AKAP9: variants seen among roughly 807,000 people sequenced by gnomAD.
AKAP9 encodes A-kinase anchor protein 9.
Under a neutral mutation model 488.5 loss-of-function variants are expected in AKAP9, and 311 were observed. The ratio of observed to expected loss-of-function variants is 0.64; its 90% CI spans 0.58 to 0.70. The LOEUF (loss-of-function observed/expected upper bound fraction) is 0.70, where lower values mean the gene tolerates loss of function less well. Among genes scored for constraint, AKAP9 ranks in the 30% least tolerant of loss-of-function variants. The probability of loss-of-function intolerance (pLI) is 0.00; values close to 1 mark genes in which losing one functional copy is unlikely to be tolerated. For synonymous variants in AKAP9, 1,462 were observed against 1,483.5 expected, an observed-to-expected ratio of 0.99 and a Z score of 0.33; for missense variants, 4,215 against 4,374.5, an observed-to-expected ratio of 0.96 and a Z score of 1.03.
intron 3 of AKAP9, among the ~76,000 whole-genome samples, chr7:91,987,212 G>A (rs1797210929): frequency 6.6e-6 from 1 of 152,104 alleles, no homozygotes; most frequent in Non-Finnish European, 1.5e-5. Context: ...GAGGTTAGGA[G>A]TTGGAGACCA....
intron 1 of AKAP9, among the ~76,000 whole-genome samples, chr7:91,942,008 A>C (rs1008683471): frequency 6.6e-6 from 1 of 152,126 alleles, no homozygotes; most frequent in Non-Finnish European, 1.5e-5. Context: ...ACATATACAG[A>C]ATATAAGCTG....
At chr7:91,967,489 G>A (rs1447039867) in intron 1 of AKAP9, among the ~76,000 whole-genome samples, 1 of 152,080 alleles carries the variant, frequency 6.6e-6, no homozygotes, top group African/African-American at 2.4e-5. Context: ...TCTGTATCCA[G>A]TTTGTTGAGG....
rs1352511944 is a variant in AKAP9, at chr7:92,108,543, C to A, written c.11596C>A (p.Gln3866Lys). ...CAATCCTGGTTCTTTAGCATGTTCT[C>A]AGCTTCAGAATTACGATCCTGACAG... ...DFNPGSLACS[Q>K]LQNYDPDRAL... Residue 3866 changes from glutamine (Q) to lysine (K), a missense_variant, in exon 49 of 50, where the codon CAG becomes AAG. Around this residue, in one of 5 missense-constraint regions of AKAP9, gnomAD observed 253 missense variants for 266.8 expected, o/e 0.95. Coordinates refer to ENST00000356239, the MANE Select transcript of AKAP9 (RefSeq NM_005751.5). 1 of 1,614,150 alleles carries A rather than the reference C, an allele frequency of 6.2e-7. No individual in the cohort carries two copies. Among genetic ancestry groups the A allele is most frequent in the Non-Finnish European group, 8.5e-7 (1 of 1,180,016 alleles).
chr7:92,057,921 G>A (rs1435560905), intron 22 of AKAP9: 1 of 226,436 alleles, frequency 4.4e-6, no homozygotes, highest in East Asian at 6.4e-5. Context: ...TTTGGTTTGG[G>A]TTTTTTTGAG....
At position 92,096,722 on chromosome 7, in the gene AKAP9, A is replaced by G. The variant is rs201048693; in HGVS notation, c.9763A>G (p.Arg3255Gly). 400 of 1,614,176 alleles carry G rather than the reference A, an allele frequency of 2.5e-4. 1 individual carries two copies. The East Asian group carries it at 8.7e-3, about 35-fold the overall frequency. The change falls in exon 41 of 50, where the codon AGG becomes GGG. Residue 3255 changes from arginine to glycine, a missense_variant. Arg to Gly is a moderately radical substitution (Grantham distance 125, BLOSUM62 -2). Transcript: ENST00000356239. Reference protein sequence around the residue: ...LKFSLESQKQRNLQLNLLLEQ... With the variant: ...LKFSLESQKQGNLQLNLLLEQ... Reference sequence around the variant, plus strand: ...GTTTTCACTTGAGAGTCAGAAACAAAGGAATCTTCAGCTAAATCTACTTTT... The same window carrying G: ...GTTTTCACTTGAGAGTCAGAAACAAGGGAATCTTCAGCTAAATCTACTTTT...
At chr7:91,964,628 A>G (rs1794199450) in intron 1 of AKAP9, among the ~76,000 whole-genome samples, 1 of 152,172 alleles carries the variant, frequency 6.6e-6, no homozygotes, top group African/African-American at 2.4e-5. Flanking sequence ...GAAAAACATT[A>G]GATAGTATTG....
chr7:92,007,832 A>T (rs141429733), intron 8 of AKAP9, among the ~76,000 whole-genome samples: 1 of 152,244 alleles, frequency 6.6e-6, no homozygotes, highest in African/African-American at 2.4e-5. Flanking sequence ...ACAGTCAAGA[A>T]TATTTTTGAA....
At chr7:92,030,128 A>C in intron 15 of AKAP9, 137 bp downstream of exon 15, 1 of 650,078 alleles carries the variant, frequency 1.5e-6, no homozygotes, top group East Asian at 2.8e-5. Flanking sequence ...CTTATATAGA[A>C]AACTCAGAAT....
chr7:92,083,323 A>G lies in AKAP9; in HGVS notation c.8314A>G (p.Ile2772Val), dbSNP rs759694779. ...GGCCTGCATGTTTGAGCCACTTCCT[A>G]TAAAACTGAGTAAGAGCATTGCATC... ...KKACMFEPLP[I>V]KLSKSIASQT... Residue 2772 changes from isoleucine (I) to valine (V), a missense_variant, in exon 33 of 50, where the codon ATA (isoleucine) becomes GTA (valine). Physicochemically the swap from Ile to Val is conservative, Grantham distance 29 (BLOSUM62 3). Transcript: ENST00000356239. 1.2e-5 allele frequency: 19 copies of G among 1,614,142 alleles called. No individual in the cohort carries two copies. Among genetic ancestry groups the G allele is most frequent in the South Asian group, 1.1e-4 (10 of 91,090 alleles).
chr7:92,036,230 C>T (rs1446738639), intron 16 of AKAP9, among the ~76,000 whole-genome samples: 1 of 151,976 alleles, frequency 6.6e-6, no homozygotes, highest in Non-Finnish European at 1.5e-5. Flanking sequence ...TTGTTGTTCC[C>T]TCGTAGGTAA....
At chr7:91,988,078 G>A (rs1033789157) in intron 3 of AKAP9, among the ~76,000 whole-genome samples, 1 of 151,922 alleles carries the variant, frequency 6.6e-6, no homozygotes, top group African/African-American at 2.4e-5. Context: ...TACTTGGGAG[G>A]CTGAGGTTAC....
Position 91,941,072 on chromosome 7 carries a change from G to A in AKAP9, c.-28G>A, listed in dbSNP as rs1342263035. On this transcript the variant is annotated 5_prime_UTR_variant, in exon 1 of 50. Coordinates refer to ENST00000356239, the MANE Select transcript of AKAP9 (RefSeq NM_005751.5). ...TATCCCCAACCACCCCTCAACCCCTGTTTTCCCCTGCCTTCCTTGCAGAGG... is the reference window on the plus strand; with the variant it reads ...TATCCCCAACCACCCCTCAACCCCTATTTTCCCCTGCCTTCCTTGCAGAGG... The A allele has an allele frequency of 6.2e-7, 1 of 1,610,604 alleles. No homozygotes were observed. Among genetic ancestry groups the A allele is most frequent in the Non-Finnish European group, 8.5e-7 (1 of 1,176,882 alleles).
chr7:92,009,220 T>G (rs1800356254), intron 8 of AKAP9, among the ~76,000 whole-genome samples: 1 of 152,104 alleles, frequency 6.6e-6, no homozygotes, highest in Non-Finnish European at 1.5e-5. Flanking sequence ...TACTTCAGCC[T>G]GGGTGACAGA....
chr7:92,057,356 AT>A (rs1463787687), intron 22 of AKAP9, among the ~76,000 whole-genome samples: 1 of 152,112 alleles, frequency 6.6e-6, no homozygotes, highest in African/African-American at 2.4e-5. Context: ...AATTAAAGCA[AT>A]TTTTTAATGG....
chr7:92,069,471 C>G (rs1811328437), intron 26 of AKAP9, among the ~76,000 whole-genome samples: 1 of 152,124 alleles, frequency 6.6e-6, no homozygotes, highest in Non-Finnish European at 1.5e-5. Flanking sequence ...TTGGAGACAA[C>G]AGTTGCTATC....
At chr7:92,022,711 C>A in intron 13 of AKAP9, 103 bp from the exon 14 acceptor site, 1 of 824,682 alleles carries the variant, frequency 1.2e-6, no homozygotes, top group Non-Finnish European at 1.9e-6. Context: ...TAAAAACATA[C>A]TTTTTCAAAA....
At position 92,031,548 on chromosome 7, in the gene AKAP9, A is replaced by T. The variant is rs368183690; in HGVS notation, c.4282A>T (p.Ile1428Phe). 5 of 1,612,886 alleles carry T rather than the reference A, an allele frequency of 3.1e-6. No homozygotes were observed. The South Asian group carries it at 4.4e-5, about 14-fold the overall frequency. The change falls in exon 16 of 50, where the codon ATC becomes TTC. Residue 1428 changes from isoleucine to phenylalanine, a missense_variant. By Grantham distance (21) the Ile-to-Phe change is conservative. Coordinates refer to ENST00000356239, the MANE Select transcript of AKAP9 (RefSeq NM_005751.5). ...GEFGVKEETN[I>F]VKLLEKQYQE... ...ATTTGGAGTGAAAGAGGAAACAAATATCGTTAAGTTGCTTGAAAAACAATA... is the reference window on the plus strand; with the variant it reads ...ATTTGGAGTGAAAGAGGAAACAAATTTCGTTAAGTTGCTTGAAAAACAATA...
At chr7:91,963,481 GTC>G (rs1794001050) in intron 1 of AKAP9, among the ~76,000 whole-genome samples, 1 of 115,640 alleles carries the variant, frequency 8.6e-6, no homozygotes, top group African/African-American at 3.4e-5. Context: ...TAACATATTT[GTC>G]ACACACACAC....
chr7:91,971,982 C>CTTTT (rs71107846), intron 1 of AKAP9, among the ~76,000 whole-genome samples: 2,797 of 91,760 alleles, frequency 0.03, 317 homozygotes, highest in African/African-American at 0.11. Context: ...TTTTGCCTCT[C>CTTTT]TTTTTTTTTT....
Sources: allele counts gnomAD v4.1 joint callset (sites outside exome capture counted in the v4.1 genomes callset), GRCh38; gene constraint gnomAD v4.1.1; regional missense constraint gnomAD v4.1.1; transcripts MANE v1.5; gene names NCBI Gene and HGNC (gene_info 2026-07-23, HGNC 2026-07-21).